Variants in GLIS3 observed in about 807,000 individuals in gnomAD.
GLIS3 encodes the protein GLIS family zinc finger 3, also known as zinc finger protein GLIS3.
Under a neutral mutation model 78.6 loss-of-function variants are expected in GLIS3, and 53 were observed. The observed-to-expected ratio is 0.67, with a 90% CI of 0.54 to 0.85. The LOEUF (loss-of-function observed/expected upper bound fraction) is 0.85. Among genes scored for constraint, GLIS3 ranks in the 40% least tolerant of loss-of-function variants. GLIS3 has a pLI of 0.00. For synonymous variants in GLIS3, 684 were observed against 509.9 expected, an observed-to-expected ratio of 1.34 and a Z score of -4.60; for missense variants, 1,703 against 1,231.1, an observed-to-expected ratio of 1.38 and a Z score of -5.74.
intron 4 of GLIS3, among the ~76,000 whole-genome samples, chr9:4,033,379 C>T (rs619220): frequency 0.62 from 94,024 of 151,944 alleles, 30,690 homozygotes; most frequent in African/African-American, 0.84. Flanking sequence ...GAGAAGACCC[C>T]AGAAGAAGGC....
intron 2 of GLIS3, 72 bp downstream of exon 2, chr9:4,285,966 G>T: frequency 1.9e-6 from 3 of 1,545,128 alleles, no homozygotes; most frequent in Non-Finnish European, 2.7e-6. Flanking sequence ...CATAGGATTT[G>T]CTGGCAGAAA....
At chr9:4,026,538 CTAT>C (rs1823363824) in intron 4 of GLIS3, among the ~76,000 whole-genome samples, 1 of 152,140 alleles carries the variant, frequency 6.6e-6, no homozygotes, top group African/African-American at 2.4e-5. Context: ...ATCTATCTAT[CTAT>C]CTATCTAAGT....
chr9:3,868,686 C>T (rs542913507), intron 8 of GLIS3, among the ~76,000 whole-genome samples: 2 of 152,228 alleles, frequency 1.3e-5, no homozygotes, highest in East Asian at 3.9e-4. Context: ...ACTACATCCC[C>T]CTTATTGGCC....
chr9:4,050,242 A>G (rs1241790122), intron 4 of GLIS3, among the ~76,000 whole-genome samples: 1 of 152,190 alleles, frequency 6.6e-6, no homozygotes, highest in East Asian at 1.9e-4. Flanking sequence ...TGTGGCACAT[A>G]TACCCCATGG....
intron 2 of GLIS3, among the ~76,000 whole-genome samples, chr9:4,171,115 T>C (rs955445714): frequency 6.6e-6 from 1 of 152,196 alleles, no homozygotes; most frequent in African/African-American, 2.4e-5. Flanking sequence ...ATATTTAGAA[T>C]ACCAGACATT....
At chr9:4,123,534 A>G (rs961594326) in intron 3 of GLIS3, among the ~76,000 whole-genome samples, 2 of 152,162 alleles carry the variant, frequency 1.3e-5, no homozygotes, top group Non-Finnish European at 2.9e-5. Flanking sequence ...CAAAAGACTA[A>G]TTTTTAAAAT....
intron 7 of GLIS3, among the ~76,000 whole-genome samples, chr9:3,893,176 C>T (rs987149562): frequency 1.3e-5 from 2 of 152,178 alleles, no homozygotes; most frequent in African/African-American, 2.4e-5. Flanking sequence ...CGCAATTGCC[C>T]AGCCTCGCTA....
intron 2 of GLIS3, among the ~76,000 whole-genome samples, chr9:4,165,899 G>A (rs1265114230): frequency 6.6e-6 from 1 of 152,130 alleles, no homozygotes; most frequent in Non-Finnish European, 1.5e-5. Context: ...TGGGGAGGCA[G>A]GAAAAAAGGA....
At chr9:3,852,826 C>G (rs997175418) in intron 9 of GLIS3, among the ~76,000 whole-genome samples, 7 of 152,184 alleles carry the variant, frequency 4.6e-5, no homozygotes, top group Admixed American at 4.6e-4. Context: ...CATAATTTCT[C>G]AATTTGCCTA....
intron 2 of GLIS3, among the ~76,000 whole-genome samples, chr9:4,221,503 A>C (rs1821326142): frequency 6.6e-6 from 1 of 152,186 alleles, no homozygotes; most frequent in Non-Finnish European, 1.5e-5. Context: ...TCCTTAGATG[A>C]ATGGAAATGT....
At chr9:4,188,480 G>A (rs1352822838) in intron 2 of GLIS3, among the ~76,000 whole-genome samples, 15 of 150,310 alleles carry the variant, frequency 1.0e-4, no homozygotes, top group Admixed American at 2.0e-4. Context: ...GTCTCTGCCC[G>A]GCTTTGGTAT....
chr9:4,431,143 T>C, the GLIS3 span, among the ~76,000 whole-genome samples: 2 of 152,234 alleles, frequency 1.3e-5, no homozygotes, highest in African/African-American at 4.8e-5. Flanking sequence ...ACACCCTTCA[T>C]GAAAGTTATT....
At chr9:4,161,466 C>T (rs1183891462) in intron 2 of GLIS3, among the ~76,000 whole-genome samples, 1 of 152,206 alleles carries the variant, frequency 6.6e-6, no homozygotes, top group African/African-American at 2.4e-5. Flanking sequence ...TTCAAAAACA[C>T]CCCTTCGTGG....
intron 5 of GLIS3, among the ~76,000 whole-genome samples, 200 bp downstream of exon 5, chr9:3,936,828 A>G (rs1050293899): frequency 3.3e-5 from 5 of 152,202 alleles, no homozygotes; most frequent in African/African-American, 1.2e-4. Flanking sequence ...AATATTTAGA[A>G]TAAACTGCTG....
At chr9:4,399,480 C>T in the GLIS3 span, among the ~76,000 whole-genome samples, 17 of 152,190 alleles carry the variant, frequency 1.1e-4, no homozygotes, top group East Asian at 1.7e-3. Flanking sequence ...AATAATTTTC[C>T]CAAGGTCTCA....
At chr9:3,940,874 G>A (rs564618) in intron 4 of GLIS3, among the ~76,000 whole-genome samples, 77,287 of 152,050 alleles carry the variant, frequency 0.51, 23,207 homozygotes, top group African/African-American at 0.85. Context: ...AGTAAGCTCT[G>A]TGTGCATGAA....
intron 2 of GLIS3, among the ~76,000 whole-genome samples, chr9:4,211,518 A>T (rs1029535155): frequency 1.3e-5 from 2 of 152,250 alleles, no homozygotes; most frequent in African/African-American, 4.8e-5. Context: ...ATGAAAGGGC[A>T]TATAGCCTTG....
At chr9:4,340,892 C>T (rs765345562) in intron 2 of GLIS3, among the ~76,000 whole-genome samples, 8 of 152,092 alleles carry the variant, frequency 5.3e-5, no homozygotes, top group Non-Finnish European at 1.0e-4. Flanking sequence ...GATGGGGTTT[C>T]GCCATGTTGG....
intron 2 of GLIS3, among the ~76,000 whole-genome samples, chr9:4,222,930 G>A (rs1821455894): frequency 6.6e-6 from 1 of 152,172 alleles, no homozygotes; most frequent in Admixed American, 6.5e-5. Flanking sequence ...ATTATGCTCT[G>A]TTCTGCTTAT....
Sources: gnomAD v4.1 joint callset for allele counts (sites outside exome capture counted in the v4.1 genomes callset) on GRCh38, gnomAD v4.1.1 for gene constraint, MANE v1.5 for transcripts, NCBI Gene and HGNC (gene_info 2026-07-23, HGNC 2026-07-21) for gene names.